Variants in MORC2 observed in about 807,000 individuals in gnomAD.
The protein encoded by MORC2 is MORC family CW-type zinc finger 2.
MORC2 carries 30 observed loss-of-function variants against 136.0 expected under a neutral mutation model. The ratio of observed to expected loss-of-function variants is 0.22; its 90% confidence interval spans 0.17 to 0.30. MORC2 has a LOEUF of 0.30. MORC2 is among the 10% of genes least tolerant of loss of function. The pLI, the probability that MORC2 is intolerant of heterozygous loss-of-function variation, is 1.00. For missense variants in MORC2, 922 were observed against 1,333.1 expected, an observed-to-expected ratio of 0.69 and a Z score of 4.80; for synonymous variants, 439 against 487.0, an observed-to-expected ratio of 0.90 and a Z score of 1.30.
chr22:30,960,808 CAAA>C (rs35374135), intron 1 of MORC2, among the ~76,000 whole-genome samples: 128 of 97,770 alleles, frequency 1.3e-3, no homozygotes, highest in African/African-American at 2.9e-3. Flanking sequence ...ACAGATTTCT[CAAA>C]AAAAAAAAAA....
rs777252717 is a variant in MORC2, at chr22:30,939,694, G to C, written c.1000C>G (p.Gln334Glu). The C allele has an allele frequency of 3.1e-6, 5 of 1,613,896 alleles. No individual in the cohort carries two copies. In the African/African-American group the frequency reaches 6.7e-5, roughly 22 times the overall value. Residue 334 changes from glutamine (Q) to glutamate (E), a missense_variant, in exon 12 of 26, where the codon CAG becomes GAG. Physicochemically the swap from Gln to Glu is conservative, Grantham distance 29 (BLOSUM62 2). Around this residue, in one of 9 missense-constraint regions of MORC2, gnomAD observed 261 missense variants for 354.3 expected, o/e 0.74. Coordinates refer to ENST00000397641, the MANE Select transcript of MORC2 (RefSeq NM_001303256.3). The stretch of plus-strand genomic sequence containing the variant: ...AGAGTGATGGCTCTGTTCTGGACCT[G>C]TCGCAACATCACCTGCACACATTGA... ...LTRDSRVMLRQVQNRAITLRR... is the reference protein window; with the variant it reads ...LTRDSRVMLREVQNRAITLRR...
In MORC2 at chr22:30,936,912, T is replaced by C. The variant is rs1473697256; in HGVS notation, c.1604+20A>G. 6.2e-7 allele frequency: 1 copy of C among 1,601,178 alleles called. No homozygotes were observed. Among genetic ancestry groups the C allele is most frequent in the East Asian group, 2.2e-5 (1 of 44,818 alleles). ...GGGGAGAAAAGTACCCACAATCCCCTTGTTAGACAATGTGCTCACCGGTCC... is the reference window on the plus strand; with the variant it reads ...GGGGAGAAAAGTACCCACAATCCCCCTGTTAGACAATGTGCTCACCGGTCC... On this transcript the variant is annotated intron_variant, in intron 16 of 25. Transcript: ENST00000397641.
At chr22:30,952,048 A>G (rs1263157036) in intron 3 of MORC2, among the ~76,000 whole-genome samples, 1 of 152,170 alleles carries the variant, frequency 6.6e-6, no homozygotes, top group African/African-American at 2.4e-5. Flanking sequence ...TCTTCCTGGA[A>G]GTACTATTGG....
At chr22:30,967,278 A>G in intron 1 of MORC2, 1 of 986,646 alleles carries the variant, frequency 1.0e-6, no homozygotes, top group South Asian at 4.7e-5. Flanking sequence ...AGATATAAAC[A>G]AGTTGCCGTT....
Position 30,941,318 on chromosome 22 carries a change from C to G in MORC2, c.824+115G>C. 1.4e-6 allele frequency: 2 copies of G among 1,425,058 alleles called. No individual in the cohort carries two copies. Among genetic ancestry groups the G allele is most frequent in the Non-Finnish European group, 9.4e-7 (1 of 1,067,532 alleles). 88.3% of individuals were successfully genotyped at this position (1,425,058 alleles called of 1,614,324 possible). A position where few individuals can be genotyped will look rare whatever the true frequency, so the allele number is the denominator to read the frequency against. ...ATCACAGGCAACTTAAAGTCCCAAA[C>G]GTAGTCAGCACTGCCAGAGCCTCTT... On this transcript the variant is annotated intron_variant, in intron 9 of 25. Coordinates refer to ENST00000397641, the MANE Select transcript of MORC2 (RefSeq NM_001303256.3). The surrounding 1 kb of genome is among the most constrained non-coding windows in gnomAD (Gnocchi z 4.6).
chr22:30,927,622 C>T (rs556528372), intron 25 of MORC2, among the ~76,000 whole-genome samples: 3 of 152,328 alleles, frequency 2.0e-5, no homozygotes, highest in South Asian at 4.1e-4. Context: ...TTGTCTTGTT[C>T]ATTCTGTATC....
chr22:30,956,128 GTTAA>G (rs1020658337), intron 3 of MORC2, among the ~76,000 whole-genome samples: 2 of 151,834 alleles, frequency 1.3e-5, no homozygotes, highest in Admixed American at 6.6e-5. Flanking sequence ...AAATTAATGA[GTTAA>G]TTAATTAAAA....
In MORC2 at chr22:30,934,139, T is replaced by C; in HGVS notation, c.2246A>G (p.Glu749Gly). 6.2e-7 allele frequency: 1 copy of C among 1,614,114 alleles called. No individual in the cohort carries two copies. Among genetic ancestry groups the C allele is most frequent in the East Asian group, 2.2e-5 (1 of 44,876 alleles). Residue 749 changes from glutamate to glycine, a missense_variant, in exon 20 of 26, where the codon GAG (glutamate) becomes GGG (glycine). Glu to Gly is a moderately conservative substitution (Grantham distance 98). Coordinates refer to ENST00000397641, the MANE Select transcript of MORC2 (RefSeq NM_001303256.3). This position sits in a 1 kb window ranked among gnomAD's most constrained non-coding sequence, Gnocchi z 4.4. ...SVAVSDEEEV[E>G]EEAERRKERC... ...CTCCTTCCTCCTCTCAGCTTCCTCC[T>C]CAACTTCTTCCTCATCAGAAACTGC...
Position 30,946,464 on chromosome 22 carries a change from G to C in MORC2, c.318-15C>G, listed in dbSNP as rs1432426721. Reference sequence around the variant, plus strand: ...GCATTGAGCCCCTGAAAAGGAAACAGAAATGGGTGTTATTCTCCCAGGAGT... The same window carrying C: ...GCATTGAGCCCCTGAAAAGGAAACACAAATGGGTGTTATTCTCCCAGGAGT... On this transcript the variant is annotated splice_polypyrimidine_tract_variant and intron_variant, in intron 5 of 25. Transcript: ENST00000397641. 1.3e-6 allele frequency: 2 copies of C among 1,593,854 alleles called. No homozygotes were observed.
At chr22:30,956,029 T>C (rs1050064268) in intron 3 of MORC2, among the ~76,000 whole-genome samples, 1 of 146,790 alleles carries the variant, frequency 6.8e-6, no homozygotes, top group Admixed American at 6.8e-5. Context: ...AAAAAAAAGC[T>C]GTCTTCCTCC....
At chr22:30,960,487 T>G (rs1000885963) in intron 1 of MORC2, among the ~76,000 whole-genome samples, 2 of 152,010 alleles carry the variant, frequency 1.3e-5, no homozygotes, top group African/African-American at 4.8e-5. Flanking sequence ...CAGATTTATT[T>G]ATTTATTTAT....
intron 6 of MORC2, among the ~76,000 whole-genome samples, chr22:30,945,637 G>C (rs2040805445): frequency 6.6e-6 from 1 of 152,200 alleles, no homozygotes; most frequent in Non-Finnish European, 1.5e-5. Flanking sequence ...CAGCTCTGCA[G>C]ACATCTGAGC....
Position 30,933,500 on chromosome 22 carries a change from T to G in MORC2, c.2346A>C (p.Glu782Asp), listed in dbSNP as rs751495570. Residue 782 changes from glutamate (E) to aspartate (D), a missense_variant, in exon 21 of 26, where the codon GAA (glutamate) becomes GAC (aspartate). Glu to Asp is a conservative substitution (Grantham distance 45). Around this residue, in one of 9 missense-constraint regions of MORC2, gnomAD observed 263 missense variants for 388.3 expected, o/e 0.68. Transcript: ENST00000397641. Reference protein sequence around the residue: ...DSNELSDSAGEEDSADLKRAQ... With the variant: ...DSNELSDSAGDEDSADLKRAQ... ...CTCTCTTGAGGTCAGCCGAGTCCTCTTCCCCAGCACTGTCTGAGAGCTGCG... is the reference window on the plus strand; with the variant it reads ...CTCTCTTGAGGTCAGCCGAGTCCTCGTCCCCAGCACTGTCTGAGAGCTGCG... The G allele has an allele frequency of 6.2e-7, 1 of 1,613,876 alleles. No homozygotes were observed. Among genetic ancestry groups the G allele is most frequent in the Non-Finnish European group, 8.5e-7 (1 of 1,179,978 alleles).
chr22:30,959,941 T>C (rs2041019142), intron 1 of MORC2, among the ~76,000 whole-genome samples: 1 of 152,226 alleles, frequency 6.6e-6, no homozygotes, highest in South Asian at 2.1e-4. Context: ...CTCAAGTAAC[T>C]CCAAATTTTT....
Position 30,937,466 on chromosome 22 carries a change from C to T in MORC2, c.1498+117G>A, listed in dbSNP as rs2040670756. The T allele has an allele frequency of 3.4e-6, 5 of 1,457,240 alleles. No individual in the cohort carries two copies. The Admixed American group carries it at 8.3e-5, about 24-fold the overall frequency. The allele number at this position is 1,457,240 out of a possible 1,614,324, so 90.3% of individuals were successfully genotyped here. A position where few individuals can be genotyped will look rare whatever the true frequency, so the allele number is the denominator to read the frequency against. ...GGCCATCGTCAAACAGACTTGGATC[C>T]CTAGGGGACTGTAAGTCCATGAATG... On this transcript the variant is annotated intron_variant, in intron 15 of 25. Transcript: ENST00000397641. The surrounding 1 kb of genome is among the most constrained non-coding windows in gnomAD (Gnocchi z 4.7).
intron 1 of MORC2, among the ~76,000 whole-genome samples, chr22:30,959,741 T>C: frequency 6.6e-6 from 1 of 152,374 alleles, no homozygotes; most frequent in Non-Finnish European, 1.5e-5. Context: ...CTTTTTTGCA[T>C]AGAGTTTCAG....
Position 30,932,240 on chromosome 22 carries a change from A to G in MORC2, c.2841+119T>C. 3.4e-6 allele frequency: 3 copies of G among 888,864 alleles called. No homozygotes were observed. The highest frequency in any genetic ancestry group is 5.3e-6 in the Non-Finnish European group (3 of 567,406). The allele number at this position is 888,864 out of a possible 1,614,324, so 55.1% of individuals were successfully genotyped here. A position where few individuals can be genotyped will look rare whatever the true frequency, so the allele number is the denominator to read the frequency against. ...AGAGAGGCTGGCTGAGATGGAGCAC[A>G]CAGCTGAGAGCTAGCAACTGCAACA... On this transcript the variant is annotated intron_variant, in intron 24 of 25. Transcript: ENST00000397641. The surrounding 1 kb of genome is among the most constrained non-coding windows in gnomAD (Gnocchi z 4.4).
chr22:30,959,639 TA>T (rs917162985), intron 1 of MORC2, among the ~76,000 whole-genome samples: 74 of 147,288 alleles, frequency 5.0e-4, no homozygotes, highest in South Asian at 2.6e-3. Context: ...TAGAACCACC[TA>T]AAAAAAAAAC....
chr22:30,934,187 G>C lies in MORC2; in HGVS notation c.2198C>G (p.Thr733Ser). The C allele has an allele frequency of 6.2e-7, 1 of 1,614,106 alleles. No homozygotes were observed. The highest frequency in any genetic ancestry group is 8.5e-7 in the Non-Finnish European group (1 of 1,180,014). ...TGCGACACTCCGCTTCCGACTAGGG[G>C]TAGCCTAGAGCAAGAGGAGCGTGAG... ...TESPIKLSPATPSRKRSVAVS... is the reference protein window; with the variant it reads ...TESPIKLSPASPSRKRSVAVS... Residue 733 changes from threonine (T) to serine (S), a missense_variant, in exon 20 of 26, where the codon ACC (threonine) becomes AGC (serine). By Grantham distance (58) the Thr-to-Ser change is moderately conservative. Around this residue, in one of 9 missense-constraint regions of MORC2, gnomAD observed 184 missense variants for 180.3 expected, o/e 1.02. Transcript: ENST00000397641. This position sits in a 1 kb window ranked among gnomAD's most constrained non-coding sequence, Gnocchi z 4.4.
Sources: allele counts gnomAD v4.1 joint callset (sites outside exome capture counted in the v4.1 genomes callset), GRCh38; gene constraint gnomAD v4.1.1; regional missense constraint gnomAD v4.1.1; non-coding constraint Gnocchi (gnomAD v3.1); transcripts MANE v1.5; gene names NCBI Gene and HGNC (gene_info 2026-07-23, HGNC 2026-07-21).